Variants in UVRAG observed in about 807,000 individuals in gnomAD.
The protein encoded by UVRAG is UV radiation resistance-associated gene protein.
UVRAG carries 19 observed loss-of-function variants against 78.0 expected under a neutral mutation model. That is an observed-to-expected ratio of 0.24 (90% CI 0.17 to 0.36). The LOEUF (loss-of-function observed/expected upper bound fraction) is 0.36, where lower values mean the gene tolerates loss of function less well. Ranked by LOEUF, UVRAG falls within the 10% of genes least tolerant of loss-of-function variation. The probability of loss-of-function intolerance (pLI) is 1.00; values close to 1 mark genes in which losing one functional copy is unlikely to be tolerated. For missense variants in UVRAG, 740 were observed against 853.8 expected (o/e 0.87, Z 1.66); for synonymous variants, 323 against 324.6 (o/e 1.00, Z 0.05).
chr11:75,907,075 T>C (rs1186683269), intron 5 of UVRAG, among the ~76,000 whole-genome samples: 1 of 152,238 alleles, frequency 6.6e-6, no homozygotes, highest in East Asian at 1.9e-4. Context: ...TTGATAGAGA[T>C]GGCATTGAAT....
intron 6 of UVRAG, among the ~76,000 whole-genome samples, chr11:75,913,109 AAAG>A (rs1947774209): frequency 6.6e-6 from 1 of 152,208 alleles, no homozygotes. Flanking sequence ...TAAGTTTTGA[AAAG>A]AAGAAAGTTC....
chr11:76,113,695 G>T (rs903303551), intron 13 of UVRAG, among the ~76,000 whole-genome samples: 1 of 152,098 alleles, frequency 6.6e-6, no homozygotes, highest in African/African-American at 2.4e-5. Context: ...TTATTAAGCG[G>T]TTCTAGCCTT....
chr11:75,944,520 A>G (rs577172400), intron 6 of UVRAG, among the ~76,000 whole-genome samples: 4 of 152,270 alleles, frequency 2.6e-5, no homozygotes, highest in South Asian at 2.1e-4. Context: ...CAACATGTCC[A>G]TTCATTTGAT....
chr11:76,111,572 T>C (rs918693256), intron 13 of UVRAG, among the ~76,000 whole-genome samples: 1 of 152,190 alleles, frequency 6.6e-6, no homozygotes, highest in Admixed American at 6.5e-5. Flanking sequence ...GGTGATTACG[T>C]GAAAGTGTAA....
At chr11:76,027,100 A>G (rs1239015460) in intron 12 of UVRAG, among the ~76,000 whole-genome samples, 1 of 152,186 alleles carries the variant, frequency 6.6e-6, no homozygotes, top group African/African-American at 2.4e-5. Context: ...AAGTGAGGTC[A>G]TACAAGTTAA....
At chr11:76,081,965 A>G (rs969727810) in intron 13 of UVRAG, among the ~76,000 whole-genome samples, 2 of 151,776 alleles carry the variant, frequency 1.3e-5, no homozygotes, top group East Asian at 1.9e-4. Context: ...ATCCACAATC[A>G]TCCTCTATTT....
intron 14 of UVRAG, chr11:76,137,323 C>G: frequency 2.2e-6 from 1 of 455,498 alleles, no homozygotes; most frequent in East Asian, 6.9e-5. Flanking sequence ...ACCTCCAGAC[C>G]TGCGTCCTAC....
chr11:76,118,908 T>C (rs1243762934), intron 14 of UVRAG, among the ~76,000 whole-genome samples: 1 of 152,220 alleles, frequency 6.6e-6, no homozygotes, highest in Admixed American at 6.5e-5. Flanking sequence ...TAGGAGGAAG[T>C]ATCTCTATCT....
intron 10 of UVRAG, among the ~76,000 whole-genome samples, chr11:76,007,958 A>G (rs1010213712): frequency 1.3e-5 from 2 of 151,586 alleles, no homozygotes; most frequent in African/African-American, 4.9e-5. Flanking sequence ...CCCAGGCTGG[A>G]GTGCAGTGAT....
chr11:75,920,858 A>G (rs537325994), intron 6 of UVRAG, among the ~76,000 whole-genome samples: 1 of 152,334 alleles, frequency 6.6e-6, no homozygotes, highest in East Asian at 1.9e-4. Context: ...TTTCTTGTTC[A>G]ATATTCTATG....
chr11:75,869,135 C>T (rs960633043), intron 3 of UVRAG, among the ~76,000 whole-genome samples: 1 of 152,156 alleles, frequency 6.6e-6, no homozygotes, highest in Non-Finnish European at 1.5e-5. Flanking sequence ...ACTAGTAAAA[C>T]CAGTGTTCCA....
At chr11:75,983,639 A>G (rs1035840250) in intron 8 of UVRAG, 126 bp downstream of exon 8, 5 of 1,273,458 alleles carry the variant, frequency 3.9e-6, no homozygotes, top group Middle Eastern at 2.0e-4. Context: ...TGACAGGGAT[A>G]TATTCTGGAA....
At chr11:75,924,492 TCTC>T (rs1184560742) in intron 6 of UVRAG, among the ~76,000 whole-genome samples, 7 of 151,988 alleles carry the variant, frequency 4.6e-5, no homozygotes, top group African/African-American at 1.5e-4. Context: ...TTCATGCCAT[TCTC>T]CTGCCTCAGC....
At chr11:75,816,885 A>T (rs1440971427) in intron 1 of UVRAG, among the ~76,000 whole-genome samples, 1 of 151,928 alleles carries the variant, frequency 6.6e-6, no homozygotes, top group African/African-American at 2.4e-5. Flanking sequence ...GGAAGAGAAG[A>T]GTTGGAGATA....
intron 1 of UVRAG, among the ~76,000 whole-genome samples, chr11:75,824,812 T>C (rs1296433149): frequency 2.0e-5 from 3 of 151,012 alleles, no homozygotes; most frequent in Non-Finnish European, 4.4e-5. Flanking sequence ...TAGCTGGGAC[T>C]ACAGGCGCCT....
chr11:75,818,060 A>AAAACAAAC (rs145140799), intron 1 of UVRAG, among the ~76,000 whole-genome samples: 77 of 151,164 alleles, frequency 5.1e-4, no homozygotes, highest in African/African-American at 1.7e-3. Context: ...ACTCTATCTA[A>AAAACAAAC]AAACAAACAA....
intron 14 of UVRAG, among the ~76,000 whole-genome samples, chr11:76,128,053 T>TA (rs1952445056): frequency 6.6e-6 from 1 of 152,050 alleles, no homozygotes; most frequent in African/African-American, 2.4e-5. Context: ...ATAGGCACAC[T>TA]AAAAAAGCAG....
intron 6 of UVRAG, among the ~76,000 whole-genome samples, chr11:75,941,347 G>C (rs977593734): frequency 2.0e-5 from 3 of 151,950 alleles, no homozygotes; most frequent in Non-Finnish European, 4.4e-5. Context: ...AAAACTGTAA[G>C]ATATTTAAAA....
intron 14 of UVRAG, chr11:76,137,648 C>T (rs1367430422): frequency 5.6e-6 from 2 of 357,066 alleles, no homozygotes; most frequent in Non-Finnish European, 5.5e-6. Flanking sequence ...CCTGTAATCC[C>T]AATATTTTGG....
Sources: allele counts gnomAD v4.1 joint callset (sites outside exome capture counted in the v4.1 genomes callset), GRCh38; gene constraint gnomAD v4.1.1; transcripts MANE v1.5; gene names NCBI Gene and HGNC (gene_info 2026-07-23, HGNC 2026-07-21).